The following PLAUR variants were observed in gnomAD, a reference collection of about 807,000 sequenced individuals.
PLAUR encodes the protein urokinase plasminogen activator surface receptor.
PLAUR carries 22 observed loss-of-function variants against 33.4 expected under a neutral mutation model. The observed-to-expected ratio is 0.66, with a 90% CI of 0.47 to 0.94. The LOEUF (loss-of-function observed/expected upper bound fraction) is 0.94. Ranked by LOEUF, PLAUR falls within the 40% of genes least tolerant of loss-of-function variation. The pLI is 0.00. For missense variants in PLAUR, 408 were observed against 434.7 expected, an observed-to-expected ratio of 0.94 and a Z score of 0.55; for synonymous variants, 148 against 167.3, an observed-to-expected ratio of 0.88 and a Z score of 0.89.
chr19:43,668,323 A>G (rs1967354335), intron 1 of PLAUR: 1 of 986,244 alleles, frequency 1.0e-6, no homozygotes, highest in Non-Finnish European at 1.2e-6. Flanking sequence ...CTCTCCAACT[A>G]GGTTTTGGCC....
intron 6 of PLAUR, 117 bp downstream of exon 6, chr19:43,652,108 C>A: frequency 1.3e-6 from 2 of 1,528,222 alleles, no homozygotes; most frequent in Non-Finnish European, 1.8e-6. Flanking sequence ...GAAGGAAATC[C>A]CACCTTTTCC....
intron 3 of PLAUR, chr19:43,661,553 C>A (rs1193660581): frequency 6.6e-6 from 1 of 152,184 alleles, no homozygotes; most frequent in Non-Finnish European, 1.5e-5. Context: ...TGTGCCACCA[C>A]GCCTGGCTAA....
chr19:43,657,658 T>C (rs771512003), intron 3 of PLAUR, among the ~76,000 whole-genome samples: 1 of 152,202 alleles, frequency 6.6e-6, no homozygotes, highest in Non-Finnish European at 1.5e-5. Flanking sequence ...GGGTGGTCAC[T>C]GTCTGGTGAC....
At chr19:43,646,245 G>C (rs1973824437), downstream of PLAUR, 1 of 505,656 alleles carries the variant, frequency 2.0e-6, no homozygotes, top group African/African-American at 2.0e-5. Flanking sequence ...GTCCTTCCAT[G>C]ATGTTTTGAT....
downstream of PLAUR, among the ~76,000 whole-genome samples, chr19:43,646,881 A>G (rs1476619961): frequency 6.7e-6 from 1 of 149,054 alleles, no homozygotes; most frequent in Non-Finnish European, 1.5e-5. Flanking sequence ...CCTGGGTTCA[A>G]GCGATTCTCC....
Position 43,655,491 on chromosome 19 carries a change from G to A in PLAUR, c.555C>T (p.Asp185=), listed in dbSNP as rs1974169767. The change falls in exon 5 of 7, where the codon GAC becomes GAT. Residue 185 remains aspartate (D), a synonymous_variant. Transcript: ENST00000340093. ...CPGSNGFHNN[D]TFHFLKCCNT... ...TGCAGCATTTCAGGAAGTGGAAGGT[G>A]TCGTTGTTGTGGAAACCATTGGAGC... The A allele has an allele frequency of 6.2e-7, 1 of 1,614,214 alleles. No individual in the cohort carries two copies. The highest frequency in any genetic ancestry group is 1.7e-5 in the Admixed American group (1 of 60,016).
intron 6 of PLAUR, among the ~76,000 whole-genome samples, chr19:43,651,587 A>G (rs1450573070): frequency 6.6e-6 from 1 of 151,920 alleles, no homozygotes; most frequent in African/African-American, 2.4e-5. Context: ...GGTGCACGCC[A>G]CCACACCCAG....
chr19:43,647,636 G>A (rs1435625070), downstream of PLAUR, among the ~76,000 whole-genome samples: 2 of 152,016 alleles, frequency 1.3e-5, no homozygotes, highest in African/African-American at 4.8e-5. Context: ...GAGAAACCCT[G>A]TCTCTACTAA....
At chr19:43,655,297 A>G (rs1398069590) in intron 5 of PLAUR, 142 bp downstream of exon 5, 3 of 726,496 alleles carry the variant, frequency 4.1e-6, no homozygotes, top group Middle Eastern at 3.5e-4. Flanking sequence ...AAAAAAAAAA[A>G]AAGGCCTGAT....
At chr19:43,669,508 C>T (rs1334670020) in intron 1 of PLAUR, among the ~76,000 whole-genome samples, 1 of 152,092 alleles carries the variant, frequency 6.6e-6, no homozygotes, top group Admixed American at 6.6e-5. Context: ...TCGAAGAACT[C>T]CATTTAAAAA....
At chr19:43,654,566 C>T (rs1056175609) in intron 5 of PLAUR, among the ~76,000 whole-genome samples, 1 of 151,908 alleles carries the variant, frequency 6.6e-6, no homozygotes, top group Non-Finnish European at 1.5e-5. Context: ...AAGACCCCAT[C>T]TCTACCAAAA....
At chr19:43,667,863 C>T (rs1269003358) in intron 1 of PLAUR, 172 bp from the exon 2 acceptor site, 1 of 1,440,758 alleles carries the variant, frequency 6.9e-7, no homozygotes. Context: ...GTCCGTTGTC[C>T]ACGTTCTACC....
chr19:43,656,618 T>G lies in PLAUR; in HGVS notation c.333A>C (p.Arg111=). The change falls in exon 4 of 7, where the codon CGA becomes CGC. Residue 111 remains arginine (R), a synonymous_variant. Coordinates refer to ENST00000340093, the MANE Select transcript of PLAUR (RefSeq NM_002659.4). ...GNSGRAVTYS[R]SRYLECISCG... is the part of the protein sequence containing the mutation. Reference sequence around the variant, plus strand: ...AGGAAATGCATTCGAGGTAACGGCTTCGGGAATAGGTGACAGCCCGGCCTG... The same window carrying G: ...AGGAAATGCATTCGAGGTAACGGCTGCGGGAATAGGTGACAGCCCGGCCTG... 1 of 1,607,904 alleles carries G rather than the reference T, an allele frequency of 6.2e-7. No homozygotes were observed. The highest frequency in any genetic ancestry group is 2.2e-5 in the East Asian group (1 of 44,626).
chr19:43,665,387 C>T lies in PLAUR; in HGVS notation c.239G>A (p.Arg80Gln), dbSNP rs977635101. The change falls in exon 3 of 7, where the codon CGG (arginine) becomes CAG (glutamine). Residue 80 changes from arginine (R) to glutamine (Q), a missense_variant. Arg to Gln is a conservative substitution (Grantham distance 43, BLOSUM62 1). Coordinates refer to ENST00000340093, the MANE Select transcript of PLAUR (RefSeq NM_002659.4). ...AAGGCTGGTGATCTTCAAGCCAGTC[C>T]GATAGCTCAGGGTCCTGTTGGTCTT... ...SEKTNRTLSY[R>Q]TGLKITSLTE... 15 of 1,613,620 alleles carry T rather than the reference C, an allele frequency of 9.3e-6. No individual in the cohort carries two copies. The highest frequency in any genetic ancestry group is 3.3e-5 in the Admixed American group (2 of 59,926).
intron 3 of PLAUR, among the ~76,000 whole-genome samples, chr19:43,662,456 C>T (rs1967043506): frequency 6.6e-6 from 1 of 152,084 alleles, no homozygotes; most frequent in Non-Finnish European, 1.5e-5. Context: ...TGAGATCGCA[C>T]CATTGCACTC....
At chr19:43,659,919 T>G (rs972921789) in intron 3 of PLAUR, among the ~76,000 whole-genome samples, 1 of 152,218 alleles carries the variant, frequency 6.6e-6, no homozygotes, top group Admixed American at 6.6e-5. Context: ...TTCCAGGTGC[T>G]AAAACATATC....
At position 43,655,493 on chromosome 19, in the gene PLAUR, C is replaced by G. The variant is rs1555779705; in HGVS notation, c.553G>C (p.Asp185His). 1.9e-6 allele frequency: 3 copies of G among 1,614,146 alleles called. No homozygotes were observed. The Admixed American group carries it at 5.0e-5, about 27-fold the overall frequency. ...CAGCATTTCAGGAAGTGGAAGGTGT[C>G]GTTGTTGTGGAAACCATTGGAGCCC... ...CPGSNGFHNN[D>H]TFHFLKCCNT... Residue 185 changes from aspartate (D) to histidine (H), a missense_variant, in exon 5 of 7, where the codon GAC becomes CAC. Asp to His is a moderately conservative substitution (Grantham distance 81). Coordinates refer to ENST00000340093, the MANE Select transcript of PLAUR (RefSeq NM_002659.4).
chr19:43,663,422 A>G (rs1967092161), intron 3 of PLAUR, among the ~76,000 whole-genome samples: 2 of 151,636 alleles, frequency 1.3e-5, no homozygotes, highest in African/African-American at 4.8e-5. Context: ...TCCCAGCATC[A>G]TGTAAGTACT....
intron 1 of PLAUR, among the ~76,000 whole-genome samples, chr19:43,669,345 C>G (rs988522469): frequency 8.5e-5 from 13 of 152,164 alleles, no homozygotes; most frequent in African/African-American, 2.7e-4. Flanking sequence ...GCGTGGAGAG[C>G]GCTGGGGGGC....
Sources: allele counts gnomAD v4.1 joint callset (sites outside exome capture counted in the v4.1 genomes callset), GRCh38; gene constraint gnomAD v4.1.1; transcripts MANE v1.5; gene names NCBI Gene and HGNC (gene_info 2026-07-23, HGNC 2026-07-21).